TMC6: variants seen among roughly 807,000 people sequenced by gnomAD.
The protein encoded by TMC6 is transmembrane channel like 6.
TMC6 carries 71 observed loss-of-function variants against 95.4 expected under a neutral mutation model. That is an observed-to-expected ratio of 0.74 (90% CI 0.61 to 0.91). The LOEUF is 0.91. TMC6 is among the 40% of genes least tolerant of loss of function. The pLI, the probability that TMC6 is intolerant of heterozygous loss-of-function variation, is 0.00. For synonymous variants in TMC6, 514 were observed against 483.1 expected (o/e 1.06, Z -0.84); for missense variants, 1,074 against 1,079.1 (o/e 1.00, Z 0.07).
chr17:78,118,647 G>A (rs1482897712), intron 15 of TMC6, among the ~76,000 whole-genome samples: 2 of 152,206 alleles, frequency 1.3e-5, no homozygotes, highest in East Asian at 1.9e-4. Context: ...GCGGAGAGAG[G>A]CCCAGCATCA....
rs2073878430 is a variant in TMC6, at chr17:78,113,203, G to A, written c.2363C>T (p.Thr788Ile). 1.1e-5 allele frequency: 17 copies of A among 1,555,880 alleles called. No individual in the cohort carries two copies. Among genetic ancestry groups the A allele is most frequent in the Non-Finnish European group, 1.5e-5 (17 of 1,148,636 alleles). The change falls in exon 20 of 20, where the codon ACA becomes ATA. Residue 788 changes from threonine (T) to isoleucine (I), a missense_variant. Physicochemically the swap from Thr to Ile is moderately conservative, Grantham distance 89. Transcript: ENST00000590602. ...AGGGGGTGCCGCAGCCTCCTCGGTTGTCCCAACCCTGCCAGAAAGAGACAT... is the reference window on the plus strand; with the variant it reads ...AGGGGGTGCCGCAGCCTCCTCGGTTATCCCAACCCTGCCAGAAAGAGACAT... The part of the protein sequence containing the change: ...KEREERSRVG[T>I]TEEAAAPPAL...
chr17:78,131,751 G>C, upstream of TMC6: 1 of 1,575,542 alleles, frequency 6.3e-7, no homozygotes, highest in Admixed American at 1.8e-5. Context: ...GGTGCCACGC[G>C]GGCGCCAGAC....
chr17:78,118,482 G>C (rs1305479112), intron 15 of TMC6, among the ~76,000 whole-genome samples: 2 of 152,104 alleles, frequency 1.3e-5, no homozygotes, highest in African/African-American at 2.4e-5. Context: ...CGTGAACCTG[G>C]GAGGCGGAGC....
rs537835804 is a variant in TMC6, at chr17:78,113,309, G to A, written c.2355-98C>T. ...AGGCCCGGCGAGGGACAGGCCAGAC[G>A]CCCCACAGCCTTTCTCCTGAGATGT... On this transcript the variant is annotated intron_variant, in intron 19 of 19. Transcript: ENST00000590602. 6.0e-5 allele frequency: 82 copies of A among 1,366,992 alleles called. No individual in the cohort carries two copies. In the South Asian group the frequency reaches 8.5e-4, roughly 14 times the overall value. 84.7% of individuals were successfully genotyped at this position (1,366,992 alleles called of 1,614,324 possible).
In TMC6 at chr17:78,111,796, A is replaced by T. The variant is rs2073829579; in HGVS notation, c.*1352T>A. ...CCCATCGCTCTTTGACCATTTCCCC[A>T]CCTGGGTTCATTCCCCCAATCCCAA... On this transcript the variant is annotated 3_prime_UTR_variant, in exon 20 of 20. Transcript: ENST00000590602. The T allele has an allele frequency of 5.0e-6, 1 of 201,500 alleles. No homozygotes were observed. Among genetic ancestry groups the T allele is most frequent in the Non-Finnish European group, 1.0e-5 (1 of 97,088 alleles). 12.5% of individuals were successfully genotyped at this position (201,500 alleles called of 1,614,324 possible).
At chr17:78,129,786 C>T (rs928253592), upstream of TMC6, among the ~76,000 whole-genome samples, 1 of 152,200 alleles carries the variant, frequency 6.6e-6, no homozygotes, top group Admixed American at 6.5e-5. The surrounding 1 kb of genome is among the most constrained non-coding windows in gnomAD (Gnocchi z 4.3). Flanking sequence ...CTTCCCCCTC[C>T]CTGCATACCC....
chr17:78,117,511 TCAGGTACCGGTGCACC>T lies in TMC6; in HGVS notation c.2139_2154del (p.Trp713Ter), dbSNP rs2074186903. On this transcript the variant is annotated frameshift_variant, in exon 17 of 20. Transcript: ENST00000590602. LOFTEE classifies it high-confidence loss of function. Reference sequence around the variant, plus strand: ...AGGAAGACAAAGAAGGTGTTTTCCATCAGGTACCGGTGCACCCAGGGCAGCCAGGAGACCCTGGGGC... The same window carrying T: ...AGGAAGACAAAGAAGGTGTTTTCCATCAGGGCAGCCAGGAGACCCTGGGGC... 1 of 1,607,496 alleles carries T rather than the reference TCAGGTACCGGTGCACC, an allele frequency of 6.2e-7. No homozygotes were observed. Among genetic ancestry groups the T allele is most frequent in the African/African-American group, 1.3e-5 (1 of 74,852 alleles).
upstream of TMC6, chr17:78,131,715 A>G (rs1305314590): frequency 4.4e-6 from 7 of 1,584,668 alleles, no homozygotes; most frequent in East Asian, 6.9e-5. Context: ...GCCCTATGCC[A>G]TGATGGACAA....
At chr17:78,115,597 A>G (rs186485373) in intron 18 of TMC6, among the ~76,000 whole-genome samples, 3 of 151,620 alleles carry the variant, frequency 2.0e-5, no homozygotes, top group Non-Finnish European at 3.0e-5. Flanking sequence ...GTGGGCAAGG[A>G]GGTCCTCCTG....
At chr17:78,123,488 T>C (rs569980112) in intron 9 of TMC6, among the ~76,000 whole-genome samples, 151 of 149,636 alleles carry the variant, frequency 1.0e-3, no homozygotes, top group Admixed American at 3.9e-3. Flanking sequence ...GATGGATGAA[T>C]GGGTGGATGG....
rs1262702881 is a variant in TMC6, at chr17:78,117,845, C to T, written c.1978G>A (p.Ala660Thr). 4.4e-6 allele frequency: 7 copies of T among 1,607,934 alleles called. No individual in the cohort carries two copies. The highest frequency in any genetic ancestry group is 5.1e-6 in the Non-Finnish European group (6 of 1,177,476). The stretch of plus-strand genomic sequence containing the variant: ...AGGAAGACAGCGGCGCCCAGGAAGG[C>T]GGGGAAGCAGAGCAGCGTGAGGAAG... ...TVFLTLLCFPAFLGAAVFLCY... is the reference protein window; with the variant it reads ...TVFLTLLCFPTFLGAAVFLCY... Residue 660 changes from alanine to threonine, a missense_variant, in exon 16 of 20, where the codon GCC becomes ACC. Transcript: ENST00000590602.
At chr17:78,132,157 C>T (rs1258515002), upstream of TMC6, 7 of 1,449,854 alleles carry the variant, frequency 4.8e-6, no homozygotes, top group East Asian at 9.9e-5. Context: ...GCCCCTCCCC[C>T]CTCCCACCCC....
chr17:78,126,086 A>G lies in TMC6; in HGVS notation c.271+191T>C, dbSNP rs573577490. On this transcript the variant is annotated intron_variant, in intron 4 of 19. Transcript: ENST00000590602. ...CTGGAGTCATTTTTGGAGCCCAGCG[A>G]GGGCCACATGGGGCTGTGCTGGGCC... is the stretch of plus-strand genomic sequence containing the variant. The G allele has an allele frequency of 2.1e-5, 23 of 1,106,432 alleles. No homozygotes were observed. The East Asian group carries it at 5.7e-4, about 27-fold the overall frequency. The allele number at this position is 1,106,432 out of a possible 1,614,324, so 68.5% of individuals were successfully genotyped here. A position where few individuals can be genotyped will look rare whatever the true frequency, so the allele number is the denominator to read the frequency against.
chr17:78,130,598 T>G (rs2074937961), upstream of TMC6: 1 of 152,250 alleles, frequency 6.6e-6, no homozygotes, highest in African/African-American at 2.4e-5. Flanking sequence ...TGCACAGAGC[T>G]CCCTGGGAGG....
chr17:78,113,297 G>A (rs1385981464), intron 19 of TMC6, 86 bp from the exon 20 acceptor site: 2 of 1,430,042 alleles, frequency 1.4e-6, no homozygotes, highest in East Asian at 2.5e-5. Context: ...CCCGGCGAGG[G>A]ACAGGCCAGA....
chr17:78,126,671 G>C (rs754786061), intron 2 of TMC6, 23 bp from the exon 3 acceptor site: 10 of 1,612,516 alleles, frequency 6.2e-6, no homozygotes, highest in Non-Finnish European at 7.6e-6. Context: ...TTGGCGGGGG[G>C]GTCAGGCTCC....
rs1419358658 is a variant in TMC6 at position 78,122,541 on chromosome 17, G to C, written c.1227+64C>G. On this transcript the variant is annotated intron_variant, in intron 10 of 19. Coordinates refer to ENST00000590602, the MANE Select transcript of TMC6 (RefSeq NM_001127198.5). The surrounding 1 kb of genome is among the most constrained non-coding windows in gnomAD (Gnocchi z 4.9). ...CATGGTTCTGGTCACATGGTCCTAA[G>C]TGGACCCAGGGCCAGGCCTGCAGGG... is the stretch of plus-strand genomic sequence containing the variant. 22 of 1,596,278 alleles carry C rather than the reference G, an allele frequency of 1.4e-5. No homozygotes were observed. Among genetic ancestry groups the C allele is most frequent in the Non-Finnish European group, 1.6e-5 (19 of 1,178,142 alleles).
chr17:78,118,302 A>G, intron 15 of TMC6: 1 of 343,558 alleles, frequency 2.9e-6, no homozygotes, highest in Non-Finnish European at 5.5e-6. Flanking sequence ...CATGCCTGTA[A>G]TCCCAGCACT....
chr17:78,123,773 A>ATGGG (rs1286747839), intron 9 of TMC6, among the ~76,000 whole-genome samples: 1 of 139,930 alleles, frequency 7.1e-6, no homozygotes, highest in African/African-American at 2.7e-5. Context: ...GAGTGGGTGG[A>ATGGG]TGGGTGGGTG....
Sources: allele counts gnomAD v4.1 joint callset (sites outside exome capture counted in the v4.1 genomes callset), GRCh38; gene constraint gnomAD v4.1.1; non-coding constraint Gnocchi (gnomAD v3.1); transcripts MANE v1.5; gene names NCBI Gene and HGNC (gene_info 2026-07-23, HGNC 2026-07-21).